XPO7: variants seen among roughly 807,000 people sequenced by gnomAD.
XPO7 encodes the protein exportin 7.
XPO7 carries 21 observed loss-of-function variants against 144.3 expected under a neutral mutation model. That is an observed-to-expected ratio of 0.15 (90% confidence interval 0.10 to 0.21). The LOEUF is 0.21. Among genes scored for constraint, XPO7 ranks in the 10% least tolerant of loss-of-function variants. The pLI, the probability that XPO7 is intolerant of heterozygous loss-of-function variation, is 1.00. For synonymous variants in XPO7, 580 were observed against 499.6 expected, an observed-to-expected ratio of 1.16 and a Z score of -2.15; for missense variants, 808 against 1,325.8, an observed-to-expected ratio of 0.61 and a Z score of 6.06.
At chr8:21,971,846 C>T (rs759364785) in intron 4 of XPO7, 30 bp from the exon 5 acceptor site, 1 of 1,589,938 alleles carries the variant, frequency 6.3e-7, no homozygotes, top group Non-Finnish European at 8.6e-7. Flanking sequence ...CACATGACAA[C>T]TCTTTCTACC....
chr8:21,998,761 G>A lies in XPO7; in HGVS notation c.2352G>A (p.Gln784=). The A allele has an allele frequency of 6.2e-7, 1 of 1,613,922 alleles. No individual in the cohort carries two copies. Reference sequence around the variant, plus strand: ...TCCTGTGCTCTCTGCTCAGGTCCCAGCGACTCCAGTTTGATGTCTCTTCCC... The same window carrying A: ...TCCTGTGCTCTCTGCTCAGGTCCCAACGACTCCAGTTTGATGTCTCTTCCC... ...LMAELVHNRS[Q]RLQFDVSSPN... Residue 784 remains glutamine (Q), a synonymous_variant, in exon 22 of 28, where the codon CAG becomes CAA. Transcript: ENST00000252512.
At chr8:21,940,410 A>G (rs956495486) in intron 1 of XPO7, among the ~76,000 whole-genome samples, 3 of 152,066 alleles carry the variant, frequency 2.0e-5, no homozygotes, top group African/African-American at 7.2e-5. Flanking sequence ...GAGTGGAGAG[A>G]TGTGGGTAGT....
intron 6 of XPO7, among the ~76,000 whole-genome samples, chr8:21,975,919 G>A (rs1239126849): frequency 1.3e-5 from 2 of 152,114 alleles, no homozygotes; most frequent in African/African-American, 4.8e-5. Context: ...TGGTGATGGT[G>A]GTTGTAAAAA....
At chr8:21,945,537 G>A (rs1157950087) in intron 1 of XPO7, among the ~76,000 whole-genome samples, 1 of 152,108 alleles carries the variant, frequency 6.6e-6, no homozygotes, top group Admixed American at 6.6e-5. Context: ...GACAAAATAG[G>A]CCTTATGAAA....
At chr8:21,976,256 T>C in intron 6 of XPO7, 100 bp from the exon 7 acceptor site, 1 of 1,339,136 alleles carries the variant, frequency 7.5e-7, no homozygotes, top group African/African-American at 1.5e-5. Context: ...TGTGCTAACA[T>C]ATAGCCCTCC....
In XPO7 at chr8:21,984,906, T is replaced by C. The variant is rs1046458705; in HGVS notation, c.1471+67T>C. ...ATGTTGTCTAGTACCCCTTCGCTCA[T>C]TGCCACCTCTTTCCTACCTCCCTGC... is the stretch of plus-strand genomic sequence containing the variant. On this transcript the variant is annotated intron_variant, in intron 12 of 27. Coordinates refer to ENST00000252512, the MANE Select transcript of XPO7 (RefSeq NM_015024.5). 5.6e-5 allele frequency: 85 copies of C among 1,520,234 alleles called. 1 individual carries two copies. In the Admixed American group the frequency reaches 7.5e-4, roughly 13 times the overall value. 94.2% of individuals were successfully genotyped at this position (1,520,234 alleles called of 1,614,324 possible).
intron 1 of XPO7, among the ~76,000 whole-genome samples, chr8:21,962,531 A>G (rs1045676831): frequency 2.0e-5 from 3 of 152,354 alleles, no homozygotes; most frequent in Admixed American, 6.5e-5. Context: ...TAATTTAGGA[A>G]AAGAATGTAG....
intron 1 of XPO7, among the ~76,000 whole-genome samples, chr8:21,921,889 G>C (rs1810300919): frequency 6.6e-6 from 1 of 152,178 alleles, no homozygotes; most frequent in African/African-American, 2.4e-5. Context: ...AGACCACTAA[G>C]TGTTAATAGT....
intron 1 of XPO7, among the ~76,000 whole-genome samples, chr8:21,940,448 G>C (rs1563313652): frequency 6.6e-6 from 1 of 150,496 alleles, no homozygotes; most frequent in Non-Finnish European, 1.5e-5. Context: ...GTGGCTCCCG[G>C]GATTACAAAA....
At chr8:21,939,730 G>GT (rs1810933397) in intron 1 of XPO7, among the ~76,000 whole-genome samples, 1 of 152,098 alleles carries the variant, frequency 6.6e-6, no homozygotes, top group Non-Finnish European at 1.5e-5. Context: ...AAAGATCAGA[G>GT]GATAAGTGAC....
At chr8:21,963,271 C>A (rs1811782051) in intron 1 of XPO7, among the ~76,000 whole-genome samples, 1 of 152,106 alleles carries the variant, frequency 6.6e-6, no homozygotes, top group African/African-American at 2.4e-5. Flanking sequence ...TGACTGGTCA[C>A]CCAAGGATTA....
intron 8 of XPO7, among the ~76,000 whole-genome samples, chr8:21,979,709 T>TA (rs1332110131): frequency 3.3e-5 from 5 of 152,210 alleles, no homozygotes; most frequent in African/African-American, 2.4e-5. Flanking sequence ...ACCCGGCCGA[T>TA]ACGCTTATTT....
At chr8:21,979,747 A>G in intron 8 of XPO7, among the ~76,000 whole-genome samples, 1 of 152,228 alleles carries the variant, frequency 6.6e-6, no homozygotes, top group East Asian at 1.9e-4. Context: ...ACATAAGCAC[A>G]TAACATCTAC....
At chr8:21,981,347 T>G in intron 9 of XPO7, among the ~76,000 whole-genome samples, 1 of 152,222 alleles carries the variant, frequency 6.6e-6, no homozygotes. Context: ...AAAATTTCAT[T>G]AGATTTCCTT....
intron 1 of XPO7, among the ~76,000 whole-genome samples, chr8:21,963,376 C>A (rs1256225837): frequency 3.9e-5 from 6 of 152,120 alleles, no homozygotes; most frequent in African/African-American, 1.2e-4. Context: ...ACTCTCCATG[C>A]GGATTTTTTA....
At chr8:21,994,244 A>C (rs1812866285) in intron 19 of XPO7, 119 bp from the exon 20 acceptor site, 2 of 618,262 alleles carry the variant, frequency 3.2e-6, no homozygotes, top group Non-Finnish European at 2.9e-6. Context: ...AATATTTGAG[A>C]AGGAGTATAT....
At chr8:21,969,437 G>A in intron 2 of XPO7, 46 bp from the exon 3 acceptor site, 1 of 1,510,552 alleles carries the variant, frequency 6.6e-7, no homozygotes, top group Non-Finnish European at 9.1e-7. Context: ...CTTGTGACTG[G>A]CTTACTCAAT....
chr8:21,971,620 A>G (rs986397083), intron 4 of XPO7, among the ~76,000 whole-genome samples: 2 of 152,198 alleles, frequency 1.3e-5, no homozygotes, highest in African/African-American at 2.4e-5. Context: ...TGTATATGCT[A>G]TAATGCTTAT....
At chr8:21,956,139 A>G (rs1811527708) in intron 1 of XPO7, among the ~76,000 whole-genome samples, 1 of 152,172 alleles carries the variant, frequency 6.6e-6, no homozygotes, top group Admixed American at 6.5e-5. Context: ...TTACACCCCC[A>G]AAGATAACTT....
Sources: allele counts gnomAD v4.1 joint callset (sites outside exome capture counted in the v4.1 genomes callset), GRCh38; gene constraint gnomAD v4.1.1; transcripts MANE v1.5; gene names NCBI Gene and HGNC (gene_info 2026-07-23, HGNC 2026-07-21).